The following OPRK1 variants were observed in gnomAD, a reference collection of about 807,000 sequenced individuals.
The protein encoded by OPRK1 is opioid receptor kappa 1, also known as kappa-type opioid receptor.
OPRK1 carries 15 observed loss-of-function variants against 24.5 expected under a neutral mutation model. The ratio of observed to expected loss-of-function variants is 0.61; its 90% confidence interval spans 0.41 to 0.94. OPRK1 has a LOEUF of 0.94. OPRK1 is among the 40% of genes least tolerant of loss of function. The pLI, the probability that OPRK1 is intolerant of heterozygous loss-of-function variation, is 0.00. For missense variants in OPRK1, 479 were observed against 507.3 expected (o/e 0.94, Z 0.54); for synonymous variants, 205 against 198.0 (o/e 1.04, Z -0.30).
At chr8:53,236,438 T>G (rs1806999783) in intron 2 of OPRK1, among the ~76,000 whole-genome samples, 1 of 152,204 alleles carries the variant, frequency 6.6e-6, no homozygotes, top group African/African-American at 2.4e-5. Flanking sequence ...GGGAAGGCAT[T>G]GTGAAGACGG....
Position 53,229,801 on chromosome 8 carries a change from C to T in OPRK1, c.639G>A (p.Gln213=). The change falls in exon 4 of 4, where the codon CAG becomes CAA. Residue 213 remains glutamine, a synonymous_variant. Transcript: ENST00000265572. The part of the protein sequence containing the change: ...EDVDVIECSL[Q]FPDDDYSWWD... ...ACCAGGAGTAGTCATCATCTGGGAA[C>T]TGCAAGGAGCACTCAATGACATCGA... The T allele has an allele frequency of 1.3e-6, 2 of 1,583,686 alleles. No individual in the cohort carries two copies. Among genetic ancestry groups the T allele is most frequent in the Non-Finnish European group, 8.6e-7 (1 of 1,164,750 alleles).
intron 3 of OPRK1, 143 bp from the exon 4 acceptor site, chr8:53,229,972 C>A (rs1585627200): frequency 1.4e-6 from 1 of 710,644 alleles, no homozygotes; most frequent in East Asian, 2.8e-5. Flanking sequence ...AGTAGATCAC[C>A]AAATTACTAA....
chr8:53,238,409 G>A (rs1222922339), intron 2 of OPRK1: 1 of 417,060 alleles, frequency 2.4e-6, no homozygotes, highest in Non-Finnish European at 3.2e-6. Context: ...GGTATGAAAA[G>A]AGCAAAGTCC....
Position 53,226,870 on chromosome 8 carries a change from T to C in OPRK1, c.*2427A>G, listed in dbSNP as rs2128806985. 6.6e-6 allele frequency: 1 copy of C among 152,282 alleles called. No homozygotes were observed. The highest frequency in any genetic ancestry group is 2.4e-5 in the African/African-American group (1 of 41,558). 9.4% of individuals were successfully genotyped at this position (152,282 alleles called of 1,614,324 possible). On this transcript the variant is annotated 3_prime_UTR_variant, in exon 4 of 4. Coordinates refer to ENST00000265572, the MANE Select transcript of OPRK1 (RefSeq NM_000912.5). ...GTGGGCACATACAGCTACTATTCTCTCCTTGGGCTGCAGACTTACATATGA... is the reference window on the plus strand; with the variant it reads ...GTGGGCACATACAGCTACTATTCTCCCCTTGGGCTGCAGACTTACATATGA...
chr8:53,231,293 TG>T (rs1806848143), intron 3 of OPRK1, among the ~76,000 whole-genome samples: 1 of 152,120 alleles, frequency 6.6e-6, no homozygotes, highest in African/African-American at 2.4e-5. Context: ...GGGTGACACA[TG>T]AAAAAAAAAT....
chr8:53,231,820 C>T (rs1239464005), intron 3 of OPRK1, among the ~76,000 whole-genome samples: 1 of 152,138 alleles, frequency 6.6e-6, no homozygotes, highest in Non-Finnish European at 1.5e-5. Context: ...GAAAAGTCAC[C>T]GGCTAAGCTA....
chr8:53,245,593 G>A (rs1807209878), intron 2 of OPRK1, among the ~76,000 whole-genome samples: 1 of 152,202 alleles, frequency 6.6e-6, no homozygotes, highest in African/African-American at 2.4e-5. Context: ...GTCCAGCTGA[G>A]TCTGCAGAAA....
rs1470748288 is a variant in OPRK1, at chr8:53,228,185, C to G, written c.*1112G>C. ...GAGCCACAAAATAGTACCTTGAGAT[C>G]TACAGAAGCAAAACACCTTCCTCTC... is the stretch of plus-strand genomic sequence containing the variant. On this transcript the variant is annotated 3_prime_UTR_variant, in exon 4 of 4. Transcript: ENST00000265572. 1 of 152,166 alleles carries G rather than the reference C, an allele frequency of 6.6e-6. No homozygotes were observed. Among genetic ancestry groups the G allele is most frequent in the Non-Finnish European group, 1.5e-5 (1 of 68,034 alleles). The allele number at this position is 152,166 out of a possible 1,614,324, so 9.4% of individuals were successfully genotyped here.
At chr8:53,243,269 A>C (rs1398186239) in intron 2 of OPRK1, among the ~76,000 whole-genome samples, 1 of 152,214 alleles carries the variant, frequency 6.6e-6, no homozygotes, top group Non-Finnish European at 1.5e-5. Flanking sequence ...TCAGGAATGA[A>C]GGGAGGTGCC....
intron 3 of OPRK1, among the ~76,000 whole-genome samples, chr8:53,234,182 C>CAAAAAAA (rs546459906): frequency 0.015 from 1,003 of 65,312 alleles, 108 homozygotes; most frequent in African/African-American, 0.07. Flanking sequence ...GACTCTCTCT[C>CAAAAAAA]AAAAAAAAAA....
In OPRK1 at chr8:53,229,652, CG is replaced by C; in HGVS notation, c.787del (p.Arg263GlufsTer56). 6.2e-7 allele frequency: 1 copy of C among 1,613,992 alleles called. No homozygotes were observed. Among genetic ancestry groups the C allele is most frequent in the South Asian group, 1.1e-5 (1 of 91,062 alleles). On this transcript the variant is annotated frameshift_variant, in exon 4 of 4. Transcript: ENST00000265572. LOFTEE classifies it high-confidence loss of function. ...LKSVRLLSGS[R>X]EKDRNLRRIT... The stretch of plus-strand genomic sequence containing the variant: ...CCTACGCAGGTTGCGATCTTTCTCT[CG>C]GGAGCCAGAAAGGAGCCGGACGCTC...
chr8:53,234,190 A>AAAAAAAAAAAAAAAAAAAAAAAT (rs1806929484), intron 3 of OPRK1, among the ~76,000 whole-genome samples: 1 of 150,376 alleles, frequency 6.6e-6, no homozygotes, highest in African/African-American at 2.5e-5. Flanking sequence ...CTCAAAAAAA[A>AAAAAAAAAAAAAAAAAAAAAAAT]AAAAAAAAAA....
rs1806955215 is a variant in OPRK1 at position 53,234,976 on chromosome 8, G to A, written c.393C>T (p.Cys131=). ...AGTAATCAATGGAAATTACTATCTT[G>A]CACAGCACATCCCCAAAAGGCCAGG... ...MNSWPFGDVL[C]KIVISIDYYN... is the part of the protein sequence containing the mutation. Residue 131 remains cysteine (C), a synonymous_variant, in exon 3 of 4, where the codon TGC becomes TGT. Coordinates refer to ENST00000265572, the MANE Select transcript of OPRK1 (RefSeq NM_000912.5). 1 of 1,614,140 alleles carries A rather than the reference G, an allele frequency of 6.2e-7. No individual in the cohort carries two copies. The highest frequency in any genetic ancestry group is 1.7e-5 in the Admixed American group (1 of 60,010).
intron 1 of OPRK1, 106 bp downstream of exon 1, chr8:53,251,342 T>G: frequency 2.2e-6 from 1 of 450,358 alleles, no homozygotes; most frequent in Non-Finnish European, 3.9e-6. Flanking sequence ...CACCGGCCCC[T>G]GGTGGAACTG....
intron 2 of OPRK1, among the ~76,000 whole-genome samples, chr8:53,249,920 A>C (rs2128810819): frequency 6.6e-6 from 1 of 152,354 alleles, no homozygotes. Context: ...AAAAGGAAAC[A>C]CATCTATCTT....
At chr8:53,238,057 G>A (rs1015835413) in intron 2 of OPRK1, among the ~76,000 whole-genome samples, 3 of 152,270 alleles carry the variant, frequency 2.0e-5, no homozygotes, top group East Asian at 1.9e-4. Context: ...GTTCTTCTGC[G>A]TACTACACTG....
chr8:53,240,004 A>C (rs1433735977), intron 2 of OPRK1, among the ~76,000 whole-genome samples: 1 of 152,228 alleles, frequency 6.6e-6, no homozygotes, highest in African/African-American at 2.4e-5. Flanking sequence ...CCTGCAGTTC[A>C]ATGTTGAAAA....
intron 2 of OPRK1, among the ~76,000 whole-genome samples, chr8:53,240,825 T>C (rs1269380352): frequency 6.6e-6 from 1 of 152,194 alleles, no homozygotes; most frequent in African/African-American, 2.4e-5. Context: ...TGAGTAGATC[T>C]TAACTGTACT....
intron 3 of OPRK1, among the ~76,000 whole-genome samples, chr8:53,231,121 A>G (rs1806843927): frequency 6.6e-6 from 1 of 152,228 alleles, no homozygotes; most frequent in Non-Finnish European, 1.5e-5. Flanking sequence ...GTAAATGAAC[A>G]CTTCCAGAGA....
Sources: allele counts gnomAD v4.1 joint callset (sites outside exome capture counted in the v4.1 genomes callset), GRCh38; gene constraint gnomAD v4.1.1; transcripts MANE v1.5; gene names NCBI Gene and HGNC (gene_info 2026-07-23, HGNC 2026-07-21).